The following SNTB1 variants were observed in gnomAD, a reference collection of about 807,000 sequenced individuals.
SNTB1 encodes syntrophin beta 1, also known as beta-1-syntrophin.
A neutral mutation model predicts 48.9 loss-of-function variants in SNTB1; 36 were observed. That is an observed-to-expected ratio of 0.74 (90% CI 0.56 to 0.97). The LOEUF is 0.97. Ranked by LOEUF, SNTB1 falls within the 50% of genes least tolerant of loss-of-function variation. The pLI is 0.00. For missense variants in SNTB1, 786 were observed against 703.4 expected (o/e 1.12, Z -1.33); for synonymous variants, 299 against 294.6 (o/e 1.01, Z -0.15).
intron 1 of SNTB1, among the ~76,000 whole-genome samples, chr8:120,752,987 GAAAAAAAA>G (rs60198716): frequency 0.064 from 4,889 of 76,580 alleles, 122 homozygotes; most frequent in Middle Eastern, 0.16. Context: ...AAAGCTGGAA[GAAAAAAAA>G]AAAAAAAAAA....
chr8:120,767,168 T>A (rs1018356148), intron 1 of SNTB1, among the ~76,000 whole-genome samples: 16 of 152,270 alleles, frequency 1.1e-4, no homozygotes, highest in African/African-American at 2.9e-4. Flanking sequence ...TGTCTTTTTT[T>A]AATTCTCTCG....
At chr8:120,644,095 G>A (rs776839213) in intron 2 of SNTB1, among the ~76,000 whole-genome samples, 1 of 151,992 alleles carries the variant, frequency 6.6e-6, no homozygotes, top group Non-Finnish European at 1.5e-5. Flanking sequence ...TAGAGGGAGA[G>A]TTTTTGAAGC....
intron 2 of SNTB1, among the ~76,000 whole-genome samples, chr8:120,644,318 C>G (rs1362756272): frequency 8.6e-6 from 1 of 116,196 alleles, no homozygotes; most frequent in Non-Finnish European, 1.7e-5. Flanking sequence ...CCCCCTCCCC[C>G]CACCCCACAA....
At chr8:120,638,581 G>A (rs1447991667) in intron 2 of SNTB1, among the ~76,000 whole-genome samples, 15 of 151,808 alleles carry the variant, frequency 9.9e-5, no homozygotes, top group Non-Finnish European at 1.9e-4. Context: ...GACAGGCCCC[G>A]GTGTGTGATG....
At chr8:120,700,264 G>C (rs1485406103) in intron 1 of SNTB1, among the ~76,000 whole-genome samples, 1 of 130,350 alleles carries the variant, frequency 7.7e-6, no homozygotes, top group Non-Finnish European at 1.8e-5. Context: ...TGTAACATGA[G>C]AGAGTTTGAT....
chr8:120,545,804 C>A (rs531530231), intron 5 of SNTB1, among the ~76,000 whole-genome samples: 2 of 152,316 alleles, frequency 1.3e-5, no homozygotes, highest in African/African-American at 4.8e-5. Flanking sequence ...TAAATCACCA[C>A]CTCTGATTAA....
intron 1 of SNTB1, among the ~76,000 whole-genome samples, chr8:120,774,652 T>C (rs908625145): frequency 4.6e-5 from 7 of 152,038 alleles, no homozygotes; most frequent in Non-Finnish European, 1.0e-4. Context: ...TTTGCTTGTT[T>C]GTTTGTTTGT....
chr8:120,579,680 A>AAAAAG (rs531263429), intron 3 of SNTB1, among the ~76,000 whole-genome samples: 38 of 149,004 alleles, frequency 2.6e-4, no homozygotes, highest in Non-Finnish European at 4.5e-4. Context: ...CTCTGTGTCA[A>AAAAAG]AAAAGAAAAG....
intron 1 of SNTB1, among the ~76,000 whole-genome samples, chr8:120,715,113 C>G (rs536911271): frequency 2.2e-4 from 33 of 152,306 alleles, no homozygotes; most frequent in Non-Finnish European, 2.2e-4. Flanking sequence ...TGTAACTTCC[C>G]CTTATTTTCA....
chr8:120,729,228 C>A (rs191302745), intron 1 of SNTB1, among the ~76,000 whole-genome samples: 5 of 152,206 alleles, frequency 3.3e-5, no homozygotes. Flanking sequence ...AAGTGATCCG[C>A]CCACCTTGGC....
chr8:120,750,221 C>T (rs147160278), intron 1 of SNTB1, among the ~76,000 whole-genome samples: 19 of 150,866 alleles, frequency 1.3e-4, no homozygotes, highest in African/African-American at 4.6e-4. Context: ...TTACTTATTC[C>T]CTTAAACCTT....
chr8:120,763,405 T>C (rs1004548435), intron 1 of SNTB1, among the ~76,000 whole-genome samples: 1 of 152,220 alleles, frequency 6.6e-6, no homozygotes, highest in Non-Finnish European at 1.5e-5. Context: ...CAGGAGAAGC[T>C]GAAATTGGCT....
chr8:120,744,911 T>C (rs2130015785), intron 1 of SNTB1, among the ~76,000 whole-genome samples: 1 of 152,332 alleles, frequency 6.6e-6, no homozygotes, highest in African/African-American at 2.4e-5. Context: ...GTTCCACAGC[T>C]TTCTTTTATT....
At chr8:120,757,960 G>A (rs1402832350) in intron 1 of SNTB1, among the ~76,000 whole-genome samples, 1 of 152,186 alleles carries the variant, frequency 6.6e-6, no homozygotes, top group African/African-American at 2.4e-5. Flanking sequence ...GGAAAGAAAA[G>A]TAGTAACAGC....
At chr8:120,712,188 C>T (rs556104057) in intron 1 of SNTB1, among the ~76,000 whole-genome samples, 6 of 151,898 alleles carry the variant, frequency 4.0e-5, no homozygotes, top group South Asian at 2.1e-4. Context: ...ATAAGCCAGG[C>T]GGATCAATGA....
chr8:120,611,707 A>G, intron 3 of SNTB1, among the ~76,000 whole-genome samples: 1 of 151,360 alleles, frequency 6.6e-6, no homozygotes, highest in East Asian at 2.0e-4. Flanking sequence ...CTGTAGTCCC[A>G]GCTACTCGGG....
chr8:120,669,450 T>C (rs1315524052), intron 2 of SNTB1, among the ~76,000 whole-genome samples: 1 of 83,588 alleles, frequency 1.2e-5, no homozygotes, highest in Non-Finnish European at 2.1e-5. Flanking sequence ...CTTGTTTTTT[T>C]TTTTTTTTTT....
chr8:120,673,599 G>A (rs1289873764), intron 2 of SNTB1, among the ~76,000 whole-genome samples: 4 of 151,928 alleles, frequency 2.6e-5, no homozygotes, highest in East Asian at 3.9e-4. Flanking sequence ...CTGATTTCCT[G>A]TGCTTTTAAG....
chr8:120,590,459 G>A (rs1324216926), intron 3 of SNTB1, among the ~76,000 whole-genome samples: 1 of 152,058 alleles, frequency 6.6e-6, no homozygotes, highest in Non-Finnish European at 1.5e-5. Context: ...ATGCAAAGTA[G>A]GAAGCACAGG....
Sources: gnomAD v4.1 joint callset for allele counts (sites outside exome capture counted in the v4.1 genomes callset) on GRCh38, gnomAD v4.1.1 for gene constraint, MANE v1.5 for transcripts, NCBI Gene and HGNC (gene_info 2026-07-23, HGNC 2026-07-21) for gene names.